The following IL1RAPL2 variants were observed in gnomAD, a reference collection of about 807,000 sequenced individuals.
IL1RAPL2 encodes X-linked interleukin-1 receptor accessory protein-like 2.
IL1RAPL2 carries 3 observed loss-of-function variants against 44.1 expected under a neutral mutation model. That is an observed-to-expected ratio of 0.07 (90% CI 0.03 to 0.18). IL1RAPL2 has a LOEUF of 0.18. Ranked by LOEUF, IL1RAPL2 falls within the 10% of genes least tolerant of loss-of-function variation. The pLI is 1.00. For synonymous variants in IL1RAPL2, 181 were observed against 178.8 expected, an observed-to-expected ratio of 1.01 and a Z score of -0.10; for missense variants, 391 against 496.4, an observed-to-expected ratio of 0.79 and a Z score of 2.02.
At chrX:104,983,961 G>A (rs1240996605) in intron 2 of IL1RAPL2, among the ~76,000 whole-genome samples, 1 of 109,611 alleles carries the variant, frequency 9.1e-6, no homozygotes, top group Non-Finnish European at 1.9e-5. Context: ...GCATTGTGAG[G>A]GCACATTATA....
chrX:104,799,285 ATTG>A (rs1243454040), intron 2 of IL1RAPL2, among the ~76,000 whole-genome samples: 1 of 111,406 alleles, frequency 9.0e-6, no homozygotes, highest in Non-Finnish European at 1.9e-5. Flanking sequence ...TCTTGCCTTT[ATTG>A]TTAGTATGCT....
intron 2 of IL1RAPL2, among the ~76,000 whole-genome samples, chrX:104,720,973 G>T (rs375908936): frequency 9.0e-5 from 10 of 110,959 alleles, no homozygotes; most frequent in African/African-American, 3.3e-4. Context: ...TCAAAACCAC[G>T]ATGAGATACC....
At chrX:104,783,142 G>C (rs1396071245) in intron 2 of IL1RAPL2, among the ~76,000 whole-genome samples, 1 of 112,138 alleles carries the variant, frequency 8.9e-6, no homozygotes, top group Non-Finnish European at 1.9e-5. Context: ...AGAAGCAGTA[G>C]AAAATGTTTC....
At chrX:105,530,478 T>C (rs2036625590) in intron 6 of IL1RAPL2, among the ~76,000 whole-genome samples, 1 of 111,170 alleles carries the variant, frequency 9.0e-6, no homozygotes, top group African/African-American at 3.3e-5. Context: ...AGTAGGTGTA[T>C]ACATCTATGG....
intron 2 of IL1RAPL2, among the ~76,000 whole-genome samples, chrX:105,186,274 A>G (rs1602997659): frequency 9.0e-6 from 1 of 111,333 alleles, no homozygotes; most frequent in African/African-American, 3.3e-5. Flanking sequence ...GATGAAGAGT[A>G]AAAAGAAAGA....
intron 1 of IL1RAPL2, among the ~76,000 whole-genome samples, chrX:104,637,274 A>C (rs989768536): frequency 3.6e-5 from 4 of 111,096 alleles, no homozygotes; most frequent in African/African-American, 1.3e-4. Flanking sequence ...AAGAGGGACT[A>C]TTTGACTTCC....
chrX:105,330,024 C>G (rs2034973757), intron 5 of IL1RAPL2, among the ~76,000 whole-genome samples: 1 of 111,188 alleles, frequency 9.0e-6, no homozygotes, highest in Admixed American at 9.6e-5. Context: ...GTCCATGAAC[C>G]AGCAGCATTG....
intron 2 of IL1RAPL2, among the ~76,000 whole-genome samples, chrX:104,984,371 C>T (rs1252515857): frequency 1.8e-5 from 2 of 111,819 alleles, no homozygotes; most frequent in African/African-American, 6.5e-5. Context: ...TGCTTTTTTT[C>T]TCATCTGTCC....
chrX:105,517,903 C>G (rs964984485), intron 6 of IL1RAPL2, among the ~76,000 whole-genome samples: 1 of 110,946 alleles, frequency 9.0e-6, no homozygotes, highest in African/African-American at 3.3e-5. Context: ...GAAAAGGAGC[C>G]AGGGAAGAGG....
In IL1RAPL2 at chrX:104,855,681, G is replaced by GTGTTTTTTTTTTTTTTTGT; in HGVS notation, c.82+196687_82+196688insGTTTTTTTTTTTTTTTGTT. Among the ~76,000 whole-genome samples, 2 of 53,880 alleles carry GTGTTTTTTTTTTTTTTTGT rather than the reference G, an allele frequency of 3.7e-5. 1 individual carries two copies. Among genetic ancestry groups the GTGTTTTTTTTTTTTTTTGT allele is most frequent in the Non-Finnish European group, 8.1e-5 (2 of 24,630 alleles). The allele number at this position is 53,880 out of a possible 115,157, so 46.8% of individuals were successfully genotyped here. On this transcript the variant is annotated intron_variant, in intron 2 of 10. Transcript: ENST00000372582. ...TTAACTGTGCTAAGGATCTGGATCC[G>GTGTTTTTTTTTTTTTTTGT]TTTTTTTTTTTTTTTTTACTGTATC...
In IL1RAPL2 at chrX:105,195,498, G is replaced by T; in HGVS notation, c.106G>T (p.Val36Leu). The T allele has an allele frequency of 8.3e-7, 1 of 1,211,847 alleles. No individual in the cohort carries two copies. The highest frequency in any genetic ancestry group is 3.0e-5 in the East Asian group (1 of 33,842). ...NSVDGCIDWSVDLKTYMALAG... is the reference protein window; with the variant it reads ...NSVDGCIDWSLDLKTYMALAG... The stretch of plus-strand genomic sequence containing the variant: ...AGTGGATGGCTGCATTGACTGGTCA[G>T]TGGATCTCAAGACATACATGGCTTT... Residue 36 changes from valine to leucine, a missense_variant, in exon 3 of 11, where the codon GTG (valine) becomes TTG (leucine). By Grantham distance (32) the Val-to-Leu change is conservative (BLOSUM62 1). Around this residue, in one of 2 missense-constraint regions of IL1RAPL2, gnomAD observed 159 missense variants for 251.7 expected, o/e 0.63. Coordinates refer to ENST00000372582, the MANE Select transcript of IL1RAPL2 (RefSeq NM_017416.2).
At chrX:104,935,303 T>C (rs780138456) in intron 2 of IL1RAPL2, among the ~76,000 whole-genome samples, 1 of 112,387 alleles carries the variant, frequency 8.9e-6, no homozygotes, top group East Asian at 2.8e-4. Flanking sequence ...TTTCAAATAT[T>C]TATTGGGGCC....
intron 6 of IL1RAPL2, among the ~76,000 whole-genome samples, chrX:105,581,867 A>G (rs1274929189): frequency 1.0e-5 from 1 of 97,540 alleles, no homozygotes; most frequent in African/African-American, 3.6e-5. Context: ...TAAATTGAAA[A>G]TAGGATTCCA....
intron 5 of IL1RAPL2, among the ~76,000 whole-genome samples, chrX:105,409,171 C>A (rs765260171): frequency 8.2e-5 from 9 of 109,624 alleles, no homozygotes; most frequent in Middle Eastern, 9.5e-3. Flanking sequence ...TTTTTCACAG[C>A]TTTAATTTTT....
At chrX:104,878,800 A>G (rs1247364821) in intron 2 of IL1RAPL2, among the ~76,000 whole-genome samples, 1 of 111,690 alleles carries the variant, frequency 9.0e-6, no homozygotes, top group Non-Finnish European at 1.9e-5. Context: ...TCTAAAAAAT[A>G]TTACTGGGCA....
chrX:105,748,013 G>C (rs1333052760), intron 8 of IL1RAPL2, among the ~76,000 whole-genome samples: 5 of 111,223 alleles, frequency 4.5e-5, no homozygotes, highest in Non-Finnish European at 7.5e-5. Context: ...ATGTCTCTCA[G>C]ATTCAGTATT....
At chrX:104,770,478 G>T (rs1477601374) in intron 2 of IL1RAPL2, among the ~76,000 whole-genome samples, 1 of 111,501 alleles carries the variant, frequency 9.0e-6, no homozygotes, top group African/African-American at 3.3e-5. Context: ...AATTTATTAA[G>T]TATTTGCTCT....
intron 6 of IL1RAPL2, among the ~76,000 whole-genome samples, chrX:105,514,209 T>C (rs2036494205): frequency 9.0e-6 from 1 of 111,717 alleles, no homozygotes; most frequent in East Asian, 2.8e-4. Context: ...ACTGTCTCAC[T>C]AGATTACAAC....
chrX:105,095,121 T>G (rs1382961669), intron 2 of IL1RAPL2, among the ~76,000 whole-genome samples: 1 of 111,774 alleles, frequency 8.9e-6, no homozygotes, highest in Non-Finnish European at 1.9e-5. Context: ...ATAGTTTTAC[T>G]TCTTTTTTTC....
Sources: allele counts gnomAD v4.1 joint callset (sites outside exome capture counted in the v4.1 genomes callset), GRCh38; gene constraint gnomAD v4.1.1; regional missense constraint gnomAD v4.1.1; transcripts MANE v1.5; gene names NCBI Gene and HGNC (gene_info 2026-07-23, HGNC 2026-07-21).